TAOK1: variants seen among roughly 807,000 people sequenced by gnomAD.
TAOK1 encodes the protein serine/threonine-protein kinase TAO1.
In TAOK1, 21 loss-of-function variants were observed where a neutral mutation model predicts 138.3. The observed-to-expected ratio is 0.15, with a 90% confidence interval of 0.11 to 0.22. The LOEUF (loss-of-function observed/expected upper bound fraction) is 0.22. Among genes scored for constraint, TAOK1 ranks in the 10% least tolerant of loss-of-function variants. TAOK1 has a pLI of 1.00. For missense variants in TAOK1, 651 were observed against 1,227.7 expected (o/e 0.53, Z 7.02); for synonymous variants, 361 against 398.4 (o/e 0.91, Z 1.12).
At chr17:29,514,873 C>G (rs2031785315) in intron 15 of TAOK1, 1 of 151,184 alleles carries the variant, frequency 6.6e-6, no homozygotes, top group African/African-American at 2.4e-5. Flanking sequence ...GTGGGACACA[C>G]CTGTGGTCCT....
At chr17:29,396,609 A>G (rs1286202481) in intron 1 of TAOK1, among the ~76,000 whole-genome samples, 1 of 152,234 alleles carries the variant, frequency 6.6e-6, no homozygotes, top group Admixed American at 6.5e-5. Flanking sequence ...TTAGAAAGAC[A>G]TTCAAAGTTT....
At chr17:29,465,684 A>G (rs1455551276) in intron 2 of TAOK1, among the ~76,000 whole-genome samples, 3 of 152,098 alleles carry the variant, frequency 2.0e-5, no homozygotes, top group Non-Finnish European at 2.9e-5. Flanking sequence ...GAGTTCTTGC[A>G]CAGATGGTTT....
chr17:29,430,604 C>G (rs1905796667), intron 1 of TAOK1, among the ~76,000 whole-genome samples: 1 of 152,138 alleles, frequency 6.6e-6, no homozygotes, highest in South Asian at 2.1e-4. Flanking sequence ...GCCTCTGGTC[C>G]TTTTGTTACT....
intron 1 of TAOK1, among the ~76,000 whole-genome samples, chr17:29,407,106 C>T (rs1905014098): frequency 6.6e-6 from 1 of 152,118 alleles, no homozygotes; most frequent in Non-Finnish European, 1.5e-5. Flanking sequence ...TCTTGAACTC[C>T]TGGGCTCAAG....
intron 1 of TAOK1, 92 bp from the exon 2 acceptor site, chr17:29,451,363 T>A (rs2030230681): frequency 4.0e-6 from 2 of 495,306 alleles, no homozygotes; most frequent in Non-Finnish European, 6.5e-6. Flanking sequence ...ATTCTAGACA[T>A]GAGATAAATT....
Position 29,451,629 on chromosome 17 carries a change from C to T in TAOK1, c.81C>T (p.Leu27=). ...TCTTCAAAGAAGATCCAGAGAAGCT[C>T]TTCACAGATCTCAGAGAAATTGGCC... ...ELFFKEDPEK[L]FTDLREIGHG... is the part of the protein sequence containing the mutation. Residue 27 remains leucine (L), a synonymous_variant, in exon 2 of 20, where the codon CTC becomes CTT. Transcript: ENST00000261716. 6.2e-7 allele frequency: 1 copy of T among 1,613,910 alleles called. No homozygotes were observed. Among genetic ancestry groups the T allele is most frequent in the Non-Finnish European group, 8.5e-7 (1 of 1,179,926 alleles).
chr17:29,475,389 A>C (rs918269012), intron 3 of TAOK1, among the ~76,000 whole-genome samples: 2 of 152,120 alleles, frequency 1.3e-5, no homozygotes, highest in African/African-American at 4.8e-5. Flanking sequence ...AAAATAGAAA[A>C]ATTAGATGAG....
chr17:29,492,372 T>C (rs944751823), intron 10 of TAOK1, among the ~76,000 whole-genome samples: 6 of 152,238 alleles, frequency 3.9e-5, no homozygotes, highest in African/African-American at 1.4e-4. Flanking sequence ...GATTAGCTGC[T>C]CTTACCATGT....
At chr17:29,408,269 G>C (rs554479193) in intron 1 of TAOK1, among the ~76,000 whole-genome samples, 5 of 142,500 alleles carry the variant, frequency 3.5e-5, no homozygotes, top group Non-Finnish European at 6.1e-5. Flanking sequence ...GTGTCCCCCA[G>C]GGCTGGAGTG....
intron 18 of TAOK1, 198 bp downstream of exon 18, chr17:29,530,817 A>G (rs2032087914): frequency 1.5e-5 from 9 of 597,240 alleles, no homozygotes; most frequent in Admixed American, 5.9e-5. Flanking sequence ...TCATTGATAC[A>G]TTTAGACATG....
At chr17:29,511,333 A>G (rs2031716275) in intron 15 of TAOK1, 1 of 152,980 alleles carries the variant, frequency 6.5e-6, no homozygotes, top group South Asian at 2.1e-4. Flanking sequence ...TACTGGGTTC[A>G]CACCATTCTC....
At chr17:29,479,513 A>G (rs1034125123) in intron 6 of TAOK1, among the ~76,000 whole-genome samples, 8 of 152,144 alleles carry the variant, frequency 5.3e-5, no homozygotes, top group Non-Finnish European at 7.3e-5. Context: ...TCTGAGAGAT[A>G]CCCACAAGCT....
At chr17:29,506,318 G>A (rs1032813589) in intron 13 of TAOK1, among the ~76,000 whole-genome samples, 1 of 152,166 alleles carries the variant, frequency 6.6e-6, no homozygotes, top group Non-Finnish European at 1.5e-5. Flanking sequence ...GCAAGAACAT[G>A]AATGAATCTG....
chr17:29,529,832 A>AC (rs568996019), intron 17 of TAOK1, among the ~76,000 whole-genome samples: 195 of 149,854 alleles, frequency 1.3e-3, no homozygotes, highest in African/African-American at 4.6e-3. Flanking sequence ...GCGCCATTGG[A>AC]CTCCAGCCTG....
intron 3 of TAOK1, among the ~76,000 whole-genome samples, chr17:29,473,813 G>A (rs1267604714): frequency 1.3e-5 from 2 of 151,352 alleles, no homozygotes; most frequent in African/African-American, 2.4e-5. Context: ...TGCAGCCTCC[G>A]CCTCCTGGGT....
chr17:29,535,634 G>T (rs981858249), intron 19 of TAOK1, among the ~76,000 whole-genome samples: 2 of 151,734 alleles, frequency 1.3e-5, no homozygotes, highest in Non-Finnish European at 2.9e-5. Context: ...CAAGCAGATC[G>T]CTTGAGCTCA....
At chr17:29,467,591 G>A (rs1265113461) in intron 3 of TAOK1, among the ~76,000 whole-genome samples, 2 of 151,890 alleles carry the variant, frequency 1.3e-5, no homozygotes, top group East Asian at 1.9e-4. Context: ...ATTCTTATTG[G>A]TATGTTAGAG....
chr17:29,481,776 G>A (rs1430518371), intron 7 of TAOK1, among the ~76,000 whole-genome samples: 2 of 151,844 alleles, frequency 1.3e-5, no homozygotes, highest in East Asian at 2.0e-4. Context: ...TGGCTAACAC[G>A]GTGAAACTCC....
At chr17:29,459,175 T>C (rs1466966628) in intron 2 of TAOK1, among the ~76,000 whole-genome samples, 1 of 152,232 alleles carries the variant, frequency 6.6e-6, no homozygotes, top group Non-Finnish European at 1.5e-5. Context: ...TCAGCCTGGC[T>C]TTCTTCTTGG....
Sources: allele counts gnomAD v4.1 joint callset (sites outside exome capture counted in the v4.1 genomes callset), GRCh38; gene constraint gnomAD v4.1.1; transcripts MANE v1.5; gene names NCBI Gene and HGNC (gene_info 2026-07-23, HGNC 2026-07-21).